The following AMBP variants were observed in gnomAD, a reference collection of about 807,000 sequenced individuals.
AMBP encodes alpha-1-microglobulin/bikunin precursor.
Under a neutral mutation model 46.3 loss-of-function variants are expected in AMBP, and 37 were observed. That is an observed-to-expected ratio of 0.80 (90% CI 0.61 to 1.05). The LOEUF (loss-of-function observed/expected upper bound fraction) is 1.05. AMBP is among the 50% of genes least tolerant of loss of function. The probability of loss-of-function intolerance (pLI) is 0.00; values close to 1 mark genes in which losing one functional copy is unlikely to be tolerated. For missense variants in AMBP, 475 were observed against 461.2 expected (o/e 1.03, Z -0.27); for synonymous variants, 174 against 175.9 (o/e 0.99, Z 0.09).
rs774019719 is a variant in AMBP, at chr9:114,061,607, C to A, written c.686-16G>T. Reference sequence around the variant, plus strand: ...TGGCAGGAATCTAGGGAGGGGCAGACCAGCAGCACTGACCAAGTGTTGACT... The same window carrying A: ...TGGCAGGAATCTAGGGAGGGGCAGAACAGCAGCACTGACCAAGTGTTGACT... On this transcript the variant is annotated splice_polypyrimidine_tract_variant and intron_variant, in intron 7 of 9. Transcript: ENST00000265132. 1.8e-5 allele frequency: 28 copies of A among 1,580,628 alleles called. No individual in the cohort carries two copies. The highest frequency in any genetic ancestry group is 2.4e-5 in the Non-Finnish European group (28 of 1,160,078).
intron 1 of AMBP, among the ~76,000 whole-genome samples, chr9:114,076,955 C>T (rs116143741): frequency 7.4e-4 from 113 of 152,278 alleles, no homozygotes; most frequent in African/African-American, 2.6e-3. Flanking sequence ...GGCATCACAG[C>T]GAACCCAGGA....
At chr9:114,064,403 T>A (rs10817562) in intron 6 of AMBP, among the ~76,000 whole-genome samples, 42,383 of 151,054 alleles carry the variant, frequency 0.28, 6,125 homozygotes, top group East Asian at 0.4. Context: ...CAATTTTTTT[T>A]AAAAAAAATA....
rs373102429 is a variant in AMBP at position 114,078,198 on chromosome 9, G to T, written c.12C>A (p.Leu4=). The change falls in exon 1 of 10, where the codon CTC becomes CTA. Residue 4 remains leucine, a synonymous_variant. Coordinates refer to ENST00000265132, the MANE Select transcript of AMBP (RefSeq NM_001633.4). MRS[L]GALLLLLSAC... ...CGCTCAGCAGCAAGAGCAGGGCCCC[G>T]AGGCTCCTCATGGCTATGGGCTCCT... 5 of 1,612,518 alleles carry T rather than the reference G, an allele frequency of 3.1e-6. No individual in the cohort carries two copies. Among genetic ancestry groups the T allele is most frequent in the Admixed American group, 1.7e-5 (1 of 60,028 alleles).
rs113740390 is a variant in AMBP at position 114,069,609 on chromosome 9, C to T, written c.603+90G>A. 1,748 of 1,305,724 alleles carry T rather than the reference C, an allele frequency of 1.3e-3. 29 individuals carry two copies. In the African/African-American group the frequency reaches 0.023, roughly 17 times the overall value. The allele number at this position is 1,305,724 out of a possible 1,614,324, so 80.9% of individuals were successfully genotyped here. On this transcript the variant is annotated intron_variant, in intron 6 of 9. Coordinates refer to ENST00000265132, the MANE Select transcript of AMBP (RefSeq NM_001633.4). Reference sequence around the variant, plus strand: ...TCTCACCCCCTCCCCATGACTCTGCCTCCCCCCGCAGCAGGATCAAGTGTG... The same window carrying T: ...TCTCACCCCCTCCCCATGACTCTGCTTCCCCCCGCAGCAGGATCAAGTGTG...
Position 114,072,914 on chromosome 9 carries a change from G to T in AMBP, c.556+11C>A. The T allele has an allele frequency of 6.2e-7, 1 of 1,612,758 alleles. No homozygotes were observed. The highest frequency in any genetic ancestry group is 8.5e-7 in the Non-Finnish European group (1 of 1,178,978). ...GGGGACAGGAATTTGAGGCGGAGGGGTGCTATGTACCTCGGTCAGCCATGG... is the reference window on the plus strand; with the variant it reads ...GGGGACAGGAATTTGAGGCGGAGGGTTGCTATGTACCTCGGTCAGCCATGG... On this transcript the variant is annotated intron_variant, in intron 5 of 9. Transcript: ENST00000265132.
At chr9:114,077,948 G>A (rs542125639) in intron 1 of AMBP, 145 bp downstream of exon 1, 320 of 806,028 alleles carry the variant, frequency 4.0e-4, no homozygotes, top group African/African-American at 2.7e-3. Context: ...AGGGGATAGA[G>A]CTGTACCTTC....
chr9:114,073,898 G>C (rs1846773065), intron 4 of AMBP, 138 bp downstream of exon 4: 1 of 783,068 alleles, frequency 1.3e-6, no homozygotes, highest in Non-Finnish European at 2.2e-6. Flanking sequence ...GGGAGACTCA[G>C]TGATTGTACC....
chr9:114,060,735 A>G (rs1344169533), intron 9 of AMBP, among the ~76,000 whole-genome samples, 190 bp downstream of exon 9: 1 of 152,170 alleles, frequency 6.6e-6, no homozygotes, highest in Non-Finnish European at 1.5e-5. Context: ...TGCCTGGCTA[A>G]TAACTCCCCA....
At chr9:114,070,439 C>T (rs746306180) in intron 5 of AMBP, among the ~76,000 whole-genome samples, 1 of 152,214 alleles carries the variant, frequency 6.6e-6, no homozygotes, top group Non-Finnish European at 1.5e-5. Context: ...CGCCCACCAT[C>T]ACTGCGGAGA....
intron 6 of AMBP, among the ~76,000 whole-genome samples, chr9:114,064,577 G>C (rs1201844433): frequency 1.3e-5 from 2 of 151,788 alleles, no homozygotes; most frequent in East Asian, 3.9e-4. Flanking sequence ...CATTGATAAA[G>C]AAATACAGAT....
chr9:114,061,194 G>C, intron 8 of AMBP, 96 bp from the exon 9 acceptor site: 3 of 1,479,214 alleles, frequency 2.0e-6, no homozygotes, highest in South Asian at 1.3e-5. Flanking sequence ...TGCTCATCTA[G>C]AACACCTCAT....
In AMBP at chr9:114,060,132, G is replaced by A. The variant is rs1846617520; in HGVS notation, c.*107C>T. The A allele has an allele frequency of 8.4e-7, 1 of 1,191,040 alleles. No homozygotes were observed. The highest frequency in any genetic ancestry group is 1.5e-5 in the African/African-American group (1 of 65,120). 73.8% of individuals were successfully genotyped at this position (1,191,040 alleles called of 1,614,324 possible). A position where few individuals can be genotyped will look rare whatever the true frequency, so the allele number is the denominator to read the frequency against. ...TGAACAATGAGGACACAGAATTTCA[G>A]GAGTTTACAATTTAGTTTTTATTTG... is the stretch of plus-strand genomic sequence containing the variant. On this transcript the variant is annotated 3_prime_UTR_variant, in exon 10 of 10. Transcript: ENST00000265132.
Position 114,065,701 on chromosome 9 carries a change from T to C in AMBP, c.604-2943A>G, listed in dbSNP as rs1201885400. 4.8e-5 allele frequency among the ~76,000 whole-genome samples: 7 copies of C among 145,550 alleles called. No individual in the cohort carries two copies. The East Asian group carries it at 1.5e-3, about 31-fold the overall frequency. On this transcript the variant is annotated intron_variant, in intron 6 of 9. Coordinates refer to ENST00000265132, the MANE Select transcript of AMBP (RefSeq NM_001633.4). ...AGTTGATGAACATAAAACACCCAGATCTTACACTAAAGTAGGATGGGGCTA... is the reference window on the plus strand; with the variant it reads ...AGTTGATGAACATAAAACACCCAGACCTTACACTAAAGTAGGATGGGGCTA...
At chr9:114,062,832 A>G (rs1158392920) in intron 6 of AMBP, 74 bp from the exon 7 acceptor site, 6 of 1,422,492 alleles carry the variant, frequency 4.2e-6, no homozygotes, top group Non-Finnish European at 6.0e-6. Context: ...CCTGGAATAT[A>G]TAAATGAACA....
intron 6 of AMBP, among the ~76,000 whole-genome samples, chr9:114,068,808 T>TAAAA (rs34177397): frequency 3.1e-5 from 3 of 97,128 alleles, no homozygotes; most frequent in Non-Finnish European, 4.0e-5. Context: ...GTGGTGAGAT[T>TAAAA]AAAAAAAAAA....
At chr9:114,061,289 A>G in intron 8 of AMBP, 135 bp downstream of exon 8, 7 of 1,464,578 alleles carry the variant, frequency 4.8e-6, no homozygotes, top group Non-Finnish European at 6.5e-6. Flanking sequence ...TGGAATTCCT[A>G]AGATTTCAGG....
intron 5 of AMBP, among the ~76,000 whole-genome samples, chr9:114,072,066 T>G (rs982780490): frequency 1.4e-4 from 21 of 152,216 alleles, no homozygotes; most frequent in African/African-American, 5.1e-4. Flanking sequence ...ACCCACAAAA[T>G]GGCAAGGCTA....
intron 6 of AMBP, among the ~76,000 whole-genome samples, chr9:114,066,733 CAA>C: frequency 6.6e-6 from 1 of 151,694 alleles, no homozygotes; most frequent in East Asian, 2.0e-4. Context: ...ATGGAAACGA[CAA>C]AGAGATGAAA....
At chr9:114,074,864 A>G in intron 3 of AMBP, 96 bp downstream of exon 3, 1 of 1,086,512 alleles carries the variant, frequency 9.2e-7, no homozygotes, top group South Asian at 1.3e-5. Flanking sequence ...TCTCAGCTAA[A>G]TGGGAGGAAA....
Sources: gnomAD v4.1 joint callset for allele counts (sites outside exome capture counted in the v4.1 genomes callset) on GRCh38, gnomAD v4.1.1 for gene constraint, MANE v1.5 for transcripts, NCBI Gene and HGNC (gene_info 2026-07-23, HGNC 2026-07-21) for gene names.